DPY19L3: variants seen among roughly 807,000 people sequenced by gnomAD.
DPY19L3 encodes dpy-19 like C-mannosyltransferase 3, also known as protein C-mannosyl-transferase DPY19L3.
DPY19L3 carries 51 observed loss-of-function variants against 92.3 expected under a neutral mutation model. The observed-to-expected ratio is 0.55, with a 90% CI of 0.44 to 0.70. DPY19L3 has a LOEUF of 0.70. DPY19L3 is among the 30% of genes least tolerant of loss of function. The pLI is 0.00. For synonymous variants in DPY19L3, 309 were observed against 315.2 expected, an observed-to-expected ratio of 0.98 and a Z score of 0.21; for missense variants, 706 against 855.9, an observed-to-expected ratio of 0.82 and a Z score of 2.18.
intron 1 of DPY19L3, 134 bp from the exon 2 acceptor site, chr19:32,408,083 G>C: frequency 1.7e-6 from 1 of 594,314 alleles, no homozygotes; most frequent in East Asian, 2.8e-5. Context: ...ACCCTGTCTT[G>C]GGGGGAAGAA....
At chr19:32,435,773 T>C (rs1012996429) in intron 4 of DPY19L3, among the ~76,000 whole-genome samples, 1 of 152,240 alleles carries the variant, frequency 6.6e-6, no homozygotes, top group Admixed American at 6.5e-5. Flanking sequence ...TATCCATTCA[T>C]GCCTTGGATT....
At chr19:32,426,699 G>C (rs1376220674) in intron 3 of DPY19L3, among the ~76,000 whole-genome samples, 1 of 152,162 alleles carries the variant, frequency 6.6e-6, no homozygotes, top group Non-Finnish European at 1.5e-5. Flanking sequence ...CCCCAAAACA[G>C]TTACAGTAGT....
rs147887547 is a variant in DPY19L3, at chr19:32,421,695, T to G, written c.237+10323T>G. On this transcript the variant is annotated intron_variant, in intron 3 of 18. Transcript: ENST00000392250. ...GGGGTCAGATAAAGTGAGTAAAGTG[T>G]CGTCCTCCAAAGTTAGTGGCATCTC... is the stretch of plus-strand genomic sequence containing the variant. 3.0e-3 allele frequency among the ~76,000 whole-genome samples: 445 copies of G among 150,260 alleles called. 4 individuals carry two copies. The highest frequency in any genetic ancestry group is 0.01 in the African/African-American group (409 of 40,806).
intron 3 of DPY19L3, among the ~76,000 whole-genome samples, chr19:32,413,973 G>A (rs1007442689): frequency 6.6e-6 from 1 of 152,032 alleles, no homozygotes; most frequent in Admixed American, 6.5e-5. Flanking sequence ...ATCCTCCTGC[G>A]TTGGCCTCCC....
rs1278798709 is a variant in DPY19L3, at chr19:32,434,317, T to C, written c.328+1511T>C. Among the ~76,000 whole-genome samples, 3 of 152,288 alleles carry C rather than the reference T, an allele frequency of 2.0e-5. 1 individual carries two copies. In the South Asian group the frequency reaches 6.2e-4, roughly 32 times the overall value. The stretch of plus-strand genomic sequence containing the variant: ...CAGTGTCCTTTTCAGAAAGTCTGTT[T>C]TATGCCATGTCCTTTGCATTGTTTT... On this transcript the variant is annotated intron_variant, in intron 4 of 18. Coordinates refer to ENST00000392250, the MANE Select transcript of DPY19L3 (RefSeq NM_001172774.2).
intron 10 of DPY19L3, among the ~76,000 whole-genome samples, chr19:32,456,696 A>G (rs965999593): frequency 2.6e-5 from 4 of 152,134 alleles, no homozygotes; most frequent in African/African-American, 9.7e-5. Context: ...AGCCTCCCAC[A>G]GTGCTAGGAT....
chr19:32,467,574 G>T, intron 15 of DPY19L3: 1 of 987,586 alleles, frequency 1.0e-6, no homozygotes, highest in African/African-American at 1.7e-5. Flanking sequence ...GGCCAAAGAT[G>T]AGATGACCAA....
chr19:32,440,607 AACTG>A (rs766262228), intron 8 of DPY19L3, among the ~76,000 whole-genome samples: 2 of 152,200 alleles, frequency 1.3e-5, no homozygotes, highest in Non-Finnish European at 2.9e-5. Context: ...AAGCTTCCAT[AACTG>A]ACTGAGTCTG....
intron 8 of DPY19L3, among the ~76,000 whole-genome samples, chr19:32,449,604 G>T (rs1969630987): frequency 6.6e-6 from 1 of 151,982 alleles, no homozygotes; most frequent in African/African-American, 2.4e-5. Context: ...TTGAGAGAGA[G>T]AAATAAACCT....
In DPY19L3 at chr19:32,453,274, C is replaced by G. The variant is rs755395895; in HGVS notation, c.985C>G (p.Gln329Glu). ...TTCAGTATTCATTGCAAGAAAACTT[C>G]AGGTAGGACTTTTTTTTTGTCCTTT... Reference protein sequence around the residue: ...NLSVFIARKLQKNLKTGSFLN... With the variant: ...NLSVFIARKLEKNLKTGSFLN... Residue 329 changes from glutamine to glutamate, a missense_variant and splice_region_variant, in exon 9 of 19, where the codon CAG (glutamine) becomes GAG (glutamate). Coordinates refer to ENST00000392250, the MANE Select transcript of DPY19L3 (RefSeq NM_001172774.2). 2 of 1,597,490 alleles carry G rather than the reference C, an allele frequency of 1.3e-6. No individual in the cohort carries two copies. Among genetic ancestry groups the G allele is most frequent in the South Asian group, 2.3e-5 (2 of 87,248 alleles).
rs766685341 is a variant in DPY19L3, at chr19:32,447,807, ATAGATAGAT to A, written c.856-5328_856-5320del. On this transcript the variant is annotated intron_variant, in intron 8 of 18. Transcript: ENST00000392250. ...ATAAGATACTCCATCTCATTCATAG[ATAGATAGAT>A]TAGATAGATAGATAGATAGATAGAT... Among the ~76,000 whole-genome samples the A allele has an allele frequency of 3.2e-4, 35 of 108,852 alleles. 1 individual carries two copies. The highest frequency in any genetic ancestry group is 2.2e-3 in the Admixed American group (19 of 8,634). 71.4% of individuals were successfully genotyped at this position (108,852 alleles called of 152,430 possible).
chr19:32,407,704 A>C (rs1968022797), intron 1 of DPY19L3, among the ~76,000 whole-genome samples: 2 of 152,202 alleles, frequency 1.3e-5, no homozygotes, highest in Non-Finnish European at 2.9e-5. Flanking sequence ...CCTGCTGTAG[A>C]GCACATGCTT....
chr19:32,418,106 A>G (rs2145419958), intron 3 of DPY19L3, among the ~76,000 whole-genome samples: 1 of 152,330 alleles, frequency 6.6e-6, no homozygotes. Flanking sequence ...AACCTGGGCC[A>G]GTTTGTGTCT....
Position 32,468,728 on chromosome 19 carries a change from C to T in DPY19L3, c.1615-3C>T. The T allele has an allele frequency of 6.2e-7, 1 of 1,613,136 alleles. No individual in the cohort carries two copies. On this transcript the variant is annotated splice_polypyrimidine_tract_variant and splice_region_variant and intron_variant, in intron 15 of 18. Coordinates refer to ENST00000392250, the MANE Select transcript of DPY19L3 (RefSeq NM_001172774.2). ...TTTTGTTTTGTTTTGTTTTTAATTTCAGTTCTGGCCAGGAATGATGGATGA... is the reference window on the plus strand; with the variant it reads ...TTTTGTTTTGTTTTGTTTTTAATTTTAGTTCTGGCCAGGAATGATGGATGA...
At chr19:32,470,724 C>G (rs531108992) in intron 16 of DPY19L3, among the ~76,000 whole-genome samples, 1 of 149,230 alleles carries the variant, frequency 6.7e-6, no homozygotes, top group African/African-American at 2.5e-5. Context: ...CTCAGACCCT[C>G]CTTTTGCTAA....
chr19:32,439,367 T>G (rs780531580), intron 7 of DPY19L3, 132 bp downstream of exon 7: 119 of 975,968 alleles, frequency 1.2e-4, no homozygotes, highest in Non-Finnish European at 1.6e-4. Flanking sequence ...AAACTTGAGT[T>G]AAATTAAGTT....
At chr19:32,408,435 A>G in intron 2 of DPY19L3, 79 bp downstream of exon 2, 1 of 1,042,528 alleles carries the variant, frequency 9.6e-7, no homozygotes, top group Non-Finnish European at 1.4e-6. Context: ...AATAGGATAA[A>G]AATTTGGTGG....
chr19:32,434,179 A>G (rs377164997), intron 4 of DPY19L3, among the ~76,000 whole-genome samples: 22 of 152,172 alleles, frequency 1.4e-4, no homozygotes, highest in African/African-American at 4.8e-4. Flanking sequence ...GTACTTTCAC[A>G]GTCATTCATG....
rs1348571818 is a variant in DPY19L3, at chr19:32,447,828, A to AG, written c.856-5317_856-5316insG. Among the ~76,000 whole-genome samples the AG allele has an allele frequency of 2.5e-4, 33 of 130,796 alleles. 1 individual carries two copies. Among genetic ancestry groups the AG allele is most frequent in the Admixed American group, 1.4e-3 (19 of 13,344 alleles). 85.8% of individuals were successfully genotyped at this position (130,796 alleles called of 152,430 possible). On this transcript the variant is annotated intron_variant, in intron 8 of 18. Coordinates refer to ENST00000392250, the MANE Select transcript of DPY19L3 (RefSeq NM_001172774.2). ...ATAGATAGATAGATTAGATAGATAG[A>AG]TAGATAGATAGATAGATAGATAGAT...
Sources: gnomAD v4.1 joint callset for allele counts (sites outside exome capture counted in the v4.1 genomes callset) on GRCh38, gnomAD v4.1.1 for gene constraint, MANE v1.5 for transcripts, NCBI Gene and HGNC (gene_info 2026-07-23, HGNC 2026-07-21) for gene names.